SLC39A14: variants seen among roughly 807,000 people sequenced by gnomAD.
The protein encoded by SLC39A14 is solute carrier family 39 member 14.
A neutral mutation model predicts 45.5 loss-of-function variants in SLC39A14; 19 were observed. The ratio of observed to expected loss-of-function variants is 0.42; its 90% CI spans 0.29 to 0.61. The LOEUF (loss-of-function observed/expected upper bound fraction) is 0.61. Among genes scored for constraint, SLC39A14 ranks in the 20% least tolerant of loss-of-function variants. The pLI, the probability that SLC39A14 is intolerant of heterozygous loss-of-function variation, is 0.22. For missense variants in SLC39A14, 447 were observed against 616.5 expected (o/e 0.73, Z 2.91); for synonymous variants, 264 against 251.3 (o/e 1.05, Z -0.48).
chr8:22,378,370 A>G (rs1274345668), intron 1 of SLC39A14, among the ~76,000 whole-genome samples: 1 of 152,178 alleles, frequency 6.6e-6, no homozygotes, highest in Non-Finnish European at 1.5e-5. Flanking sequence ...GTCCTAGAAG[A>G]CTAAACTTAG....
intron 2 of SLC39A14, among the ~76,000 whole-genome samples, chr8:22,406,147 G>A (rs1835194819): frequency 6.6e-6 from 1 of 152,180 alleles, no homozygotes; most frequent in African/African-American, 2.4e-5. Flanking sequence ...AGTGCAGTGT[G>A]GAGATAAAAT....
chr8:22,418,642 C>G (rs927674636), intron 8 of SLC39A14, among the ~76,000 whole-genome samples: 3 of 151,942 alleles, frequency 2.0e-5, no homozygotes, highest in African/African-American at 7.3e-5. Context: ...AGTGATCCTC[C>G]TCCCTCAGTC....
intron 1 of SLC39A14, among the ~76,000 whole-genome samples, chr8:22,368,099 G>A (rs1832734293): frequency 6.6e-6 from 1 of 152,116 alleles, no homozygotes; most frequent in South Asian, 2.1e-4. Flanking sequence ...TTGAGGATCT[G>A]GTGCTTGCCA....
intron 3 of SLC39A14, chr8:22,409,848 C>A: frequency 8.1e-7 from 1 of 1,235,412 alleles, no homozygotes; most frequent in Non-Finnish European, 1.2e-6. Context: ...TCTCAGTCTG[C>A]CCCATCACAC....
rs1345352100 is a variant in SLC39A14 at position 22,422,169 on chromosome 8, A to T, written c.*2471A>T. ...GTGGGAGGACTTTTTCACCCCTGGC[A>T]TTAGCAGCTTCGACCTCATTTTCCA... is the stretch of plus-strand genomic sequence containing the variant. On this transcript the variant is annotated 3_prime_UTR_variant, in exon 9 of 9. Coordinates refer to ENST00000381237, the MANE Select transcript of SLC39A14 (RefSeq NM_001128431.4). 1.0e-6 allele frequency: 1 copy of T among 985,484 alleles called. No individual in the cohort carries two copies. Among genetic ancestry groups the T allele is most frequent in the Non-Finnish European group, 1.2e-6 (1 of 829,946 alleles). 61.0% of individuals were successfully genotyped at this position (985,484 alleles called of 1,614,324 possible).
At chr8:22,394,347 T>C (rs1260760928) in intron 1 of SLC39A14, among the ~76,000 whole-genome samples, 1 of 144,658 alleles carries the variant, frequency 6.9e-6, no homozygotes, top group Non-Finnish European at 1.5e-5. Flanking sequence ...TTTTTTGAGT[T>C]GGAATCTCGC....
Position 22,404,737 on chromosome 8 carries a change from C to G in SLC39A14, c.27C>G (p.Ala9=), listed in dbSNP as rs1835106053. The G allele has an allele frequency of 2.5e-6, 4 of 1,613,684 alleles. No individual in the cohort carries two copies. The highest frequency in any genetic ancestry group is 2.5e-6 in the Non-Finnish European group (3 of 1,179,986). The change falls in exon 2 of 9, where the codon GCC becomes GCG. Residue 9 remains alanine (A), a synonymous_variant. Coordinates refer to ENST00000381237, the MANE Select transcript of SLC39A14 (RefSeq NM_001128431.4). ...TGAAGCTGCTGCTGCTGCACCCGGC[C>G]TTCCAGAGCTGCCTCCTGCTGACCC... MKLLLLHP[A]FQSCLLLTLL...
chr8:22,415,746 A>G (rs756094010), intron 5 of SLC39A14, 23 bp from the exon 6 acceptor site: 7 of 1,603,018 alleles, frequency 4.4e-6, no homozygotes, highest in South Asian at 1.1e-5. Context: ...TGTCATGCTG[A>G]TCCCTCCCTG....
intron 8 of SLC39A14, chr8:22,433,742 T>C (rs546317301): frequency 5.6e-6 from 1 of 177,158 alleles, no homozygotes; most frequent in South Asian, 8.9e-5. Flanking sequence ...CTGTATTTTT[T>C]ATAGAGACGC....
intron 1 of SLC39A14, among the ~76,000 whole-genome samples, chr8:22,380,457 C>T (rs1833445374): frequency 6.6e-6 from 1 of 152,152 alleles, no homozygotes; most frequent in African/African-American, 2.4e-5. Flanking sequence ...CTCTCTAGCC[C>T]GAGGTGGCCT....
intron 1 of SLC39A14, among the ~76,000 whole-genome samples, chr8:22,372,865 C>G (rs1056337070): frequency 4.6e-5 from 7 of 152,010 alleles, no homozygotes; most frequent in African/African-American, 1.7e-4. Flanking sequence ...TAAACTCTGG[C>G]TTCAAGCGAT....
At chr8:22,429,535 G>C (rs1261756659) in intron 8 of SLC39A14, among the ~76,000 whole-genome samples, 1 of 152,206 alleles carries the variant, frequency 6.6e-6, no homozygotes, top group African/African-American at 2.4e-5. Context: ...GGATTCCTTT[G>C]AGAATCTGAA....
chr8:22,423,877 G>A (rs1836336411), downstream of SLC39A14, among the ~76,000 whole-genome samples: 1 of 150,508 alleles, frequency 6.6e-6, no homozygotes, highest in Non-Finnish European at 1.5e-5. Flanking sequence ...TATCTAGAGA[G>A]AGAGAGTGAG....
chr8:22,367,489 G>A lies in SLC39A14; in HGVS notation c.-16+81G>A, dbSNP rs1378294677. 1 of 152,206 alleles carries A rather than the reference G, an allele frequency of 6.6e-6. No homozygotes were observed. Among genetic ancestry groups the A allele is most frequent in the Non-Finnish European group, 1.5e-5 (1 of 68,082 alleles). The allele number at this position is 152,206 out of a possible 1,614,324, so 9.4% of individuals were successfully genotyped here. On this transcript the variant is annotated intron_variant, in intron 1 of 8. Transcript: ENST00000381237. This position sits in a 1 kb window ranked among gnomAD's most constrained non-coding sequence, Gnocchi z 4.2. Reference sequence around the variant, plus strand: ...CCCCAGGCTGGGGCAGTGGGTGGGGGCGGGGACAGCCCTGCGCCGAGGACC... The same window carrying A: ...CCCCAGGCTGGGGCAGTGGGTGGGGACGGGGACAGCCCTGCGCCGAGGACC...
In SLC39A14 at chr8:22,420,536, C is replaced by G; in HGVS notation, c.*838C>G. On this transcript the variant is annotated 3_prime_UTR_variant, in exon 9 of 9. Coordinates refer to ENST00000381237, the MANE Select transcript of SLC39A14 (RefSeq NM_001128431.4). ...ACCTCCTCTTCCCCACTGCCATCTT[C>G]TAAGAGACTTTGTAGCTGCCTCCTA... 1 of 985,472 alleles carries G rather than the reference C, an allele frequency of 1.0e-6. No individual in the cohort carries two copies. The highest frequency in any genetic ancestry group is 1.2e-6 in the Non-Finnish European group (1 of 829,958). 61.0% of individuals were successfully genotyped at this position (985,472 alleles called of 1,614,324 possible).
chr8:22,385,827 G>A (rs578045787), intron 1 of SLC39A14, among the ~76,000 whole-genome samples: 4 of 152,184 alleles, frequency 2.6e-5, no homozygotes, highest in Admixed American at 6.5e-5. Flanking sequence ...CAAGACCCCC[G>A]TCTTGAAAAA....
chr8:22,420,289 T>C lies in SLC39A14; in HGVS notation c.*591T>C. On this transcript the variant is annotated 3_prime_UTR_variant, in exon 9 of 9. Transcript: ENST00000381237. ...GAGGTGAGGCAAGGTTCATCCTGAATGGGAGAGGAAGTCGAACCACTGCTG... is the reference window on the plus strand; with the variant it reads ...GAGGTGAGGCAAGGTTCATCCTGAACGGGAGAGGAAGTCGAACCACTGCTG... The C allele has an allele frequency of 8.1e-6, 8 of 985,518 alleles. No individual in the cohort carries two copies. Among genetic ancestry groups the C allele is most frequent in the Non-Finnish European group, 9.6e-6 (8 of 829,994 alleles). The allele number at this position is 985,518 out of a possible 1,614,324, so 61.0% of individuals were successfully genotyped here. A position where few individuals can be genotyped will look rare whatever the true frequency, so the allele number is the denominator to read the frequency against.
At chr8:22,430,976 G>A (rs573766680) in intron 8 of SLC39A14, among the ~76,000 whole-genome samples, 36 of 141,804 alleles carry the variant, frequency 2.5e-4, no homozygotes, top group African/African-American at 8.5e-4. Context: ...GCCGGTCTGG[G>A]ACTCCCAATT....
intron 1 of SLC39A14, among the ~76,000 whole-genome samples, chr8:22,403,439 C>T (rs571589639): frequency 2.3e-3 from 354 of 151,804 alleles, no homozygotes; most frequent in African/African-American, 7.6e-3. Flanking sequence ...ACCACCATGC[C>T]TGGCTAATTT....
Sources: allele counts gnomAD v4.1 joint callset (sites outside exome capture counted in the v4.1 genomes callset), GRCh38; gene constraint gnomAD v4.1.1; non-coding constraint Gnocchi (gnomAD v3.1); transcripts MANE v1.5; gene names NCBI Gene and HGNC (gene_info 2026-07-23, HGNC 2026-07-21).